CHIA: variants seen among roughly 807,000 people sequenced by gnomAD.
The protein encoded by CHIA is chitinase acidic.
CHIA carries 47 observed loss-of-function variants against 53.5 expected under a neutral mutation model. That is an observed-to-expected ratio of 0.88 (90% confidence interval 0.70 to 1.12). CHIA has a LOEUF of 1.12. CHIA is among the 50% of genes most tolerant of loss of function. The pLI is 0.00. For synonymous variants in CHIA, 268 were observed against 222.2 expected, an observed-to-expected ratio of 1.21 and a Z score of -1.83; for missense variants, 652 against 592.2, an observed-to-expected ratio of 1.10 and a Z score of -1.05.
intron 6 of CHIA, 36 bp from the exon 7 acceptor site, chr1:111,317,645 A>G: frequency 1.2e-6 from 2 of 1,612,928 alleles, no homozygotes; most frequent in East Asian, 4.5e-5. Flanking sequence ...TAAAATCAGC[A>G]TCATAGATGT....
At chr1:111,291,854 G>A (rs955558511) in intron 1 of CHIA, among the ~76,000 whole-genome samples, 2 of 151,672 alleles carry the variant, frequency 1.3e-5, no homozygotes, top group South Asian at 2.1e-4. Flanking sequence ...GGTAGGGAAA[G>A]CATCAGGATA....
At chr1:111,302,681 T>C (rs1647857138) in intron 1 of CHIA, among the ~76,000 whole-genome samples, 1 of 152,204 alleles carries the variant, frequency 6.6e-6, no homozygotes, top group Non-Finnish European at 1.5e-5. Flanking sequence ...TAGTCTATAC[T>C]GAAAAATGTC....
chr1:111,311,658 T>C lies in CHIA; in HGVS notation c.26-31T>C, dbSNP rs200059404. On this transcript the variant is annotated intron_variant, in intron 2 of 11. Coordinates refer to ENST00000369740, the MANE Select transcript of CHIA (RefSeq NM_201653.4). ...GATTCTACGGGGTACAGACAATCGG[T>C]TCAAAGTACATGCTTTTTCTTTCTA... 10 of 1,613,726 alleles carry C rather than the reference T, an allele frequency of 6.2e-6. No individual in the cohort carries two copies. In the African/African-American group the frequency reaches 1.2e-4, roughly 19 times the overall value.
chr1:111,314,560 T>C lies in CHIA; in HGVS notation c.278T>C (p.Leu93Pro). The change falls in exon 5 of 12, where the codon CTC becomes CCC. Residue 93 changes from leucine to proline, a missense_variant. Leu to Pro is a moderately conservative substitution (Grantham distance 98, BLOSUM62 -3). Coordinates refer to ENST00000369740, the MANE Select transcript of CHIA (RefSeq NM_201653.4). ...TACAGGAACAGCCAGCTGAAAACTC[T>C]CCTGGCCATTGGAGGCTGGAACTTC... Reference protein sequence around the residue: ...LKNKNSQLKTLLAIGGWNFGT... With the variant: ...LKNKNSQLKTPLAIGGWNFGT... 2.5e-6 allele frequency: 4 copies of C among 1,612,964 alleles called. No homozygotes were observed. The highest frequency in any genetic ancestry group is 3.4e-6 in the Non-Finnish European group (4 of 1,178,940).
intron 3 of CHIA, 108 bp downstream of exon 3, chr1:111,311,826 G>A: frequency 1.7e-6 from 2 of 1,174,586 alleles, no homozygotes; most frequent in Non-Finnish European, 2.5e-6. Flanking sequence ...TTTGATTTGG[G>A]AGTAATCTAG....
chr1:111,301,695 A>ACT (rs1251507923), intron 1 of CHIA, among the ~76,000 whole-genome samples: 1 of 115,588 alleles, frequency 8.7e-6, no homozygotes, highest in African/African-American at 3.4e-5. Flanking sequence ...ACAAAGCAAG[A>ACT]CTCTCTCTCC....
chr1:111,291,561 G>C (rs994374130), intron 1 of CHIA, among the ~76,000 whole-genome samples: 1 of 151,212 alleles, frequency 6.6e-6, no homozygotes, highest in Non-Finnish European at 1.5e-5. Flanking sequence ...CCTAATGCAT[G>C]TGGGGATTAA....
At position 111,317,731 on chromosome 1, in the gene CHIA, G is replaced by A; in HGVS notation, c.531G>A (p.Arg177=). The change falls in exon 7 of 12, where the codon AGG becomes AGA. Residue 177 remains arginine, a synonymous_variant. Transcript: ENST00000369740. The part of the protein sequence containing the change: ...EQEAKQINKP[R]LMVTAAVAAG... ...AGGCCAAGCAGATCAACAAGCCCAG[G>A]CTGATGGTCACTGCTGCAGTAGCTG... The A allele has an allele frequency of 1.9e-6, 3 of 1,614,002 alleles. No homozygotes were observed. The highest frequency in any genetic ancestry group is 2.5e-6 in the Non-Finnish European group (3 of 1,180,018).
Position 111,312,317 on chromosome 1 carries a change from G to T in CHIA, c.183G>T (p.Arg61Ser), listed in dbSNP as rs1054323888. The T allele has an allele frequency of 3.7e-6, 6 of 1,614,104 alleles. No individual in the cohort carries two copies. The highest frequency in any genetic ancestry group is 5.1e-6 in the Non-Finnish European group (6 of 1,179,978). ...ACCTGATCTACGCCTTTGCTGGGAG[G>T]CAGAACAACGAGATCACCACCATCG... The part of the protein sequence containing the change: ...CTHLIYAFAG[R>S]QNNEITTIEW... The change falls in exon 4 of 12, where the codon AGG becomes AGT. Residue 61 changes from arginine to serine, a missense_variant. By Grantham distance (110) the Arg-to-Ser change is moderately radical (BLOSUM62 -1). Coordinates refer to ENST00000369740, the MANE Select transcript of CHIA (RefSeq NM_201653.4).
chr1:111,315,555 G>A (rs766955768), intron 6 of CHIA, 120 bp downstream of exon 6: 1 of 1,048,182 alleles, frequency 9.5e-7, no homozygotes, highest in South Asian at 1.7e-5. Context: ...TATTAGCATT[G>A]CAAAGAGTCT....
At position 111,315,573 on chromosome 1, in the gene CHIA, C is replaced by T. The variant is rs149005668; in HGVS notation, c.480+138C>T. On this transcript the variant is annotated intron_variant, in intron 6 of 11. Transcript: ENST00000369740. Reference sequence around the variant, plus strand: ...TAGCATTGCAAAGAGTCTTATATATCGTGCGTTCATTAAACAAACATTTAA... The same window carrying T: ...TAGCATTGCAAAGAGTCTTATATATTGTGCGTTCATTAAACAAACATTTAA... The T allele has an allele frequency of 4.2e-3, 3,817 of 901,474 alleles. 17 individuals carry two copies. The highest frequency in any genetic ancestry group is 0.01 in the South Asian group (588 of 56,414). 55.8% of individuals were successfully genotyped at this position (901,474 alleles called of 1,614,324 possible). A position where few individuals can be genotyped will look rare whatever the true frequency, so the allele number is the denominator to read the frequency against.
At chr1:111,313,049 TC>T (rs1423617418) in intron 4 of CHIA, among the ~76,000 whole-genome samples, 4 of 152,212 alleles carry the variant, frequency 2.6e-5, no homozygotes, top group African/African-American at 9.7e-5. Context: ...TGTCCATTCA[TC>T]CATTGAGGGG....
intron 1 of CHIA, among the ~76,000 whole-genome samples, chr1:111,299,010 C>T (rs984602769): frequency 6.6e-6 from 1 of 152,106 alleles, no homozygotes; most frequent in African/African-American, 2.4e-5. Context: ...AATTCCTGGA[C>T]ACATACATCC....
At chr1:111,303,091 A>G (rs2101620266) in intron 1 of CHIA, among the ~76,000 whole-genome samples, 1 of 152,088 alleles carries the variant, frequency 6.6e-6, no homozygotes, top group South Asian at 2.1e-4. Context: ...TTTGGTTACT[A>G]TTTGCATGGA....
At chr1:111,294,846 T>C (rs1269957949) in intron 1 of CHIA, among the ~76,000 whole-genome samples, 3 of 152,230 alleles carry the variant, frequency 2.0e-5, no homozygotes, top group African/African-American at 7.2e-5. Flanking sequence ...TCATTGGTTT[T>C]CATAAGTTAA....
chr1:111,291,139 C>A (rs2101589584), intron 1 of CHIA, among the ~76,000 whole-genome samples, 189 bp downstream of exon 1: 1 of 152,268 alleles, frequency 6.6e-6, no homozygotes, highest in East Asian at 1.9e-4. Context: ...CTCCTCCCCT[C>A]ACACATCTCT....
chr1:111,307,564 G>A (rs1648282215), intron 1 of CHIA, among the ~76,000 whole-genome samples: 2 of 152,126 alleles, frequency 1.3e-5, no homozygotes, highest in South Asian at 4.2e-4. Context: ...TTTAACTGGG[G>A]AGAAGTATGT....
intron 1 of CHIA, among the ~76,000 whole-genome samples, chr1:111,294,798 CA>C (rs1661241242): frequency 2.6e-5 from 4 of 152,164 alleles, no homozygotes; most frequent in Admixed American, 1.3e-4. Flanking sequence ...ATGATTATGC[CA>C]TTTTTTTCTT....
intron 1 of CHIA, among the ~76,000 whole-genome samples, chr1:111,297,935 G>T (rs912549388): frequency 3.5e-5 from 5 of 143,064 alleles, no homozygotes; most frequent in Non-Finnish European, 7.6e-5. Context: ...ACAAGCAGGG[G>T]TTGTAATCCT....
Sources: allele counts gnomAD v4.1 joint callset (sites outside exome capture counted in the v4.1 genomes callset), GRCh38; gene constraint gnomAD v4.1.1; transcripts MANE v1.5; gene names NCBI Gene and HGNC (gene_info 2026-07-23, HGNC 2026-07-21).